The following IGSF10 variants were observed in gnomAD, a reference collection of about 807,000 sequenced individuals.
IGSF10 encodes the protein immunoglobulin superfamily member 10.
IGSF10 carries 126 observed loss-of-function variants against 128.2 expected under a neutral mutation model. That is an observed-to-expected ratio of 0.98 (90% CI 0.85 to 1.14). IGSF10 has a LOEUF of 1.14. IGSF10 is among the 50% of genes most tolerant of loss of function. The pLI is 0.00. For missense variants in IGSF10, 3,295 were observed against 3,149.8 expected (o/e 1.05, Z -1.10); for synonymous variants, 1,185 against 1,146.2 (o/e 1.03, Z -0.68).
chr3:151,446,944 G>A lies in IGSF10; in HGVS notation c.3037C>T (p.Gln1013Ter), dbSNP rs1210337658. 6.2e-7 allele frequency: 1 copy of A among 1,614,168 alleles called. No individual in the cohort carries two copies. The highest frequency in any genetic ancestry group is 8.5e-7 in the Non-Finnish European group (1 of 1,180,036). ...NIPLFRRFGR[Q>*]RKIGGRGRII... is the part of the protein sequence containing the mutation. ...CGCCCCCTTCCGCCAATTTTCCTCT[G>A]CCTCCCAAAGCGTCTGAACAGCGGG... is the stretch of plus-strand genomic sequence containing the variant. The change falls in exon 6 of 8, where the codon CAG becomes TAG. Residue 1013 changes from glutamine (Q) to a stop codon, truncating the protein, a stop_gained. Coordinates refer to ENST00000282466, the MANE Select transcript of IGSF10 (RefSeq NM_178822.5). LOFTEE classifies it high-confidence loss of function.
chr3:151,583,123 T>G, the IGSF10 span, among the ~76,000 whole-genome samples: 1 of 152,224 alleles, frequency 6.6e-6, no homozygotes, highest in East Asian at 1.9e-4. Context: ...GATTTTTTAT[T>G]GCATGTATGT....
the IGSF10 span, among the ~76,000 whole-genome samples, chr3:151,529,651 G>A: frequency 1.3e-5 from 2 of 152,038 alleles, no homozygotes; most frequent in Non-Finnish European, 2.9e-5. Flanking sequence ...AAACAGAAAG[G>A]AATAGTATCA....
chr3:151,512,606 T>G, the IGSF10 span, among the ~76,000 whole-genome samples: 2 of 151,706 alleles, frequency 1.3e-5, no homozygotes, highest in African/African-American at 4.9e-5. Context: ...AAGAAATAAC[T>G]AAAATCAGAG....
Position 151,447,601 on chromosome 3 carries a change from CT to C in IGSF10, c.2379del (p.Asp794ThrfsTer21). ...AGAGCGAGCATGCCTGAGGAATCGTCTTCTTCACCAGGTATGTTTGGGAGTT... is the reference window on the plus strand; with the variant it reads ...AGAGCGAGCATGCCTGAGGAATCGTCTCTTCACCAGGTATGTTTGGGAGTT... ...VTQLPNIPGEEDDSSGMLALH... is the reference protein window; with the variant it reads ...VTQLPNIPGEXDDSSGMLALH... On this transcript the variant is annotated frameshift_variant, in exon 6 of 8. Coordinates refer to ENST00000282466, the MANE Select transcript of IGSF10 (RefSeq NM_178822.5). LOFTEE classifies it high-confidence loss of function. 6.2e-7 allele frequency: 1 copy of C among 1,614,122 alleles called. No individual in the cohort carries two copies. Among genetic ancestry groups the C allele is most frequent in the Non-Finnish European group, 8.5e-7 (1 of 1,180,026 alleles).
chr3:151,460,890 C>A (rs1284585193), intron 1 of IGSF10, 56 bp downstream of exon 1: 57 of 979,372 alleles, frequency 5.8e-5, no homozygotes, highest in Non-Finnish European at 6.7e-5. Flanking sequence ...CACGCCAAGC[C>A]CCAGCCGGCG....
chr3:151,616,442 C>T, the IGSF10 span, among the ~76,000 whole-genome samples: 1 of 152,074 alleles, frequency 6.6e-6, no homozygotes, highest in African/African-American at 2.4e-5. Context: ...TTTTTATGGA[C>T]ATTCATTAAG....
At chr3:151,539,827 A>G in the IGSF10 span, among the ~76,000 whole-genome samples, 1 of 151,072 alleles carries the variant, frequency 6.6e-6, no homozygotes, top group Non-Finnish European at 1.5e-5. Context: ...ATCTATCTGT[A>G]TCTATCATCT....
At chr3:151,566,419 T>A in the IGSF10 span, among the ~76,000 whole-genome samples, 1 of 152,172 alleles carries the variant, frequency 6.6e-6, no homozygotes, top group Non-Finnish European at 1.5e-5. Context: ...TTGGCATTGG[T>A]TGTGTTATGC....
rs1366301982 is a variant in IGSF10, at chr3:151,446,211, G to A, written c.3770C>T (p.Thr1257Ile). 2 of 1,613,578 alleles carry A rather than the reference G, an allele frequency of 1.2e-6. No homozygotes were observed. The highest frequency in any genetic ancestry group is 4.5e-5 in the East Asian group (2 of 44,850). The part of the protein sequence containing the change: ...VSPFHFTTLS[T>I]SVMQIPSNTL... ...ATTAGATGGAATTTGCATCACACTT[G>A]TTGAAAGTGTGGTGAAATGGAAAGG... is the stretch of plus-strand genomic sequence containing the variant. The change falls in exon 6 of 8, where the codon ACA becomes ATA. Residue 1257 changes from threonine to isoleucine, a missense_variant. Thr to Ile is a moderately conservative substitution (Grantham distance 89). Coordinates refer to ENST00000282466, the MANE Select transcript of IGSF10 (RefSeq NM_178822.5).
chr3:151,558,173 A>G, the IGSF10 span, among the ~76,000 whole-genome samples: 1 of 149,778 alleles, frequency 6.7e-6, no homozygotes, highest in South Asian at 2.1e-4. Flanking sequence ...CTGAAGCCAA[A>G]GTTGGCAAAG....
upstream of IGSF10, among the ~76,000 whole-genome samples, chr3:151,465,083 G>A (rs1722233533): frequency 6.6e-6 from 1 of 152,152 alleles, no homozygotes; most frequent in African/African-American, 2.4e-5. Context: ...TACCTAGGAG[G>A]CAATTATAAT....
At chr3:151,582,304 C>G in the IGSF10 span, among the ~76,000 whole-genome samples, 2,174 of 23,286 alleles carry the variant, frequency 0.093, 13 homozygotes, top group Middle Eastern at 0.21. Context: ...GGGGGGGGGG[C>G]GGGAAGCACA....
At chr3:151,596,946 C>T in the IGSF10 span, among the ~76,000 whole-genome samples, 2 of 152,006 alleles carry the variant, frequency 1.3e-5, no homozygotes, top group African/African-American at 2.4e-5. Flanking sequence ...GGGCCTTCCA[C>T]ACTCTGCCAG....
At chr3:151,549,176 A>T in the IGSF10 span, among the ~76,000 whole-genome samples, 1 of 152,134 alleles carries the variant, frequency 6.6e-6, no homozygotes, top group African/African-American at 2.4e-5. Flanking sequence ...GGAGAGGAGT[A>T]GTTGGTTGGT....
the IGSF10 span, among the ~76,000 whole-genome samples, chr3:151,554,132 TCA>T: frequency 0.19 from 28,013 of 147,216 alleles, 2,670 homozygotes; most frequent in Middle Eastern, 0.23. Context: ...CAGAGTGAGA[TCA>T]CACACACACA....
At chr3:151,598,054 T>C in the IGSF10 span, among the ~76,000 whole-genome samples, 1 of 149,704 alleles carries the variant, frequency 6.7e-6, no homozygotes, top group African/African-American at 2.5e-5. Context: ...AAATGTTACC[T>C]GCACAAATGA....
At chr3:151,456,903 C>G in intron 4 of IGSF10, 123 bp downstream of exon 4, 4 of 928,258 alleles carry the variant, frequency 4.3e-6, no homozygotes, top group African/African-American at 1.6e-5. Context: ...TCTCCATTGA[C>G]GTCTGCTTCT....
At chr3:151,580,968 A>G in the IGSF10 span, among the ~76,000 whole-genome samples, 3 of 151,448 alleles carry the variant, frequency 2.0e-5, no homozygotes, top group African/African-American at 4.9e-5. Flanking sequence ...TTTTTTTTAA[A>G]TAGAGAGAGA....
chr3:151,512,636 G>C, the IGSF10 span, among the ~76,000 whole-genome samples: 2 of 151,942 alleles, frequency 1.3e-5, no homozygotes, highest in Non-Finnish European at 2.9e-5. Flanking sequence ...AGGAAATAGA[G>C]ACACAAAAAA....
Sources: allele counts gnomAD v4.1 joint callset (sites outside exome capture counted in the v4.1 genomes callset), GRCh38; gene constraint gnomAD v4.1.1; transcripts MANE v1.5; gene names NCBI Gene and HGNC (gene_info 2026-07-23, HGNC 2026-07-21).